The following SIN3A variants were observed in gnomAD, a reference collection of about 807,000 sequenced individuals.
SIN3A encodes the protein SIN3 transcription regulator family member A.
A neutral mutation model predicts 146.1 loss-of-function variants in SIN3A; 14 were observed. The observed-to-expected ratio is 0.10, with a 90% confidence interval of 0.06 to 0.15. The LOEUF (loss-of-function observed/expected upper bound fraction) is 0.15, where lower values mean the gene tolerates loss of function less well. SIN3A is among the 10% of genes least tolerant of loss of function. The pLI is 1.00. For synonymous variants in SIN3A, 572 were observed against 572.0 expected (o/e 1.00, Z 0.00); for missense variants, 1,028 against 1,576.0 (o/e 0.65, Z 5.89).
chr15:75,439,183 T>C (rs575923127), intron 1 of SIN3A, among the ~76,000 whole-genome samples: 2 of 152,202 alleles, frequency 1.3e-5, no homozygotes, highest in African/African-American at 2.4e-5. Flanking sequence ...CTCGGGAAGA[T>C]GGAATGCTAC....
intron 1 of SIN3A, among the ~76,000 whole-genome samples, chr15:75,438,301 G>C (rs1053015543): frequency 6.6e-6 from 1 of 152,056 alleles, no homozygotes. Flanking sequence ...GGGTGCGGAG[G>C]GTGCAGTGAG....
At chr15:75,432,061 C>T (rs2141577979) in intron 1 of SIN3A, among the ~76,000 whole-genome samples, 1 of 152,300 alleles carries the variant, frequency 6.6e-6, no homozygotes, top group East Asian at 1.9e-4. Flanking sequence ...CTGCTGAGGA[C>T]AAATAATTTA....
At chr15:75,455,652 G>A (rs1161089949), upstream of SIN3A, 1 of 152,188 alleles carries the variant, frequency 6.6e-6, no homozygotes, top group African/African-American at 2.4e-5. Context: ...GCGGAACTCC[G>A]AGCCTCCCCT....
At chr15:75,393,579 C>A (rs1325950443) in intron 14 of SIN3A, among the ~76,000 whole-genome samples, 1 of 151,998 alleles carries the variant, frequency 6.6e-6, no homozygotes, top group Non-Finnish European at 1.5e-5. Flanking sequence ...TTCACCATGT[C>A]GGCCAGGCTG....
intron 16 of SIN3A, among the ~76,000 whole-genome samples, chr15:75,385,905 C>G (rs1303524278): frequency 1.3e-5 from 2 of 152,082 alleles, no homozygotes; most frequent in Non-Finnish European, 2.9e-5. Flanking sequence ...TAAAATAATG[C>G]TTATGAGTAC....
In SIN3A at chr15:75,439,344, C is replaced by CT. The variant is rs919936063; in HGVS notation, c.-33-8937dup. Among the ~76,000 whole-genome samples, 546 of 144,314 alleles carry CT rather than the reference C, an allele frequency of 3.8e-3. 2 individuals carry two copies. Among genetic ancestry groups the CT allele is most frequent in the African/African-American group, 8.0e-3 (318 of 39,680 alleles). 94.7% of individuals were successfully genotyped at this position (144,314 alleles called of 152,430 possible). On this transcript the variant is annotated intron_variant, in intron 1 of 20. Coordinates refer to ENST00000394947, the MANE Select transcript of SIN3A (RefSeq NM_001145358.2). ...AATCATAACCCCAACTGTCACATATCTTTTTTTTTTTTTTGAGACAGAGTC... is the reference window on the plus strand; with the variant it reads ...AATCATAACCCCAACTGTCACATATCTTTTTTTTTTTTTTTGAGACAGAGTC...
intron 1 of SIN3A, among the ~76,000 whole-genome samples, chr15:75,450,703 C>T (rs989259113): frequency 9.9e-5 from 15 of 152,236 alleles, no homozygotes; most frequent in Non-Finnish European, 1.8e-4. Flanking sequence ...CATGACCCAG[C>T]CACAAGAGTA....
intron 1 of SIN3A, among the ~76,000 whole-genome samples, chr15:75,436,181 T>C (rs1267540375): frequency 1.3e-5 from 2 of 149,982 alleles, no homozygotes; most frequent in Non-Finnish European, 3.0e-5. Flanking sequence ...AGAAAAAACA[T>C]GCTAGCCACG....
At chr15:75,448,486 T>A (rs1273607066) in intron 1 of SIN3A, among the ~76,000 whole-genome samples, 1 of 142,568 alleles carries the variant, frequency 7.0e-6, no homozygotes, top group Admixed American at 6.9e-5. Flanking sequence ...AGAGCAGGAC[T>A]CCATCTCAAA....
intron 19 of SIN3A, among the ~76,000 whole-genome samples, chr15:75,378,678 T>G (rs1459827956): frequency 2.0e-5 from 3 of 152,272 alleles, no homozygotes; most frequent in East Asian, 3.9e-4. Flanking sequence ...CACATTTGCG[T>G]GAGGCCAGAT....
chr15:75,392,860 C>A (rs765047873), intron 14 of SIN3A, 45 bp from the exon 15 acceptor site: 1 of 1,358,532 alleles, frequency 7.4e-7, no homozygotes, highest in South Asian at 1.3e-5. Flanking sequence ...ATGTCTACAG[C>A]GACAACATGT....
chr15:75,448,486 T>C (rs1273607066), intron 1 of SIN3A, among the ~76,000 whole-genome samples: 2 of 142,570 alleles, frequency 1.4e-5, no homozygotes, highest in African/African-American at 2.6e-5. Flanking sequence ...AGAGCAGGAC[T>C]CCATCTCAAA....
chr15:75,373,960 ACTGT>A (rs1297375693), intron 20 of SIN3A, among the ~76,000 whole-genome samples: 2 of 152,286 alleles, frequency 1.3e-5, no homozygotes, highest in African/African-American at 2.4e-5. Context: ...TATACATTAA[ACTGT>A]CTGCTCAACA....
intron 1 of SIN3A, among the ~76,000 whole-genome samples, chr15:75,430,936 C>T (rs1242826645): frequency 3.9e-5 from 6 of 152,210 alleles, no homozygotes; most frequent in Admixed American, 1.3e-4. Context: ...CCACCACACC[C>T]GGCTACTTTT....
chr15:75,445,312 G>C (rs911183960), intron 1 of SIN3A, among the ~76,000 whole-genome samples: 3 of 149,638 alleles, frequency 2.0e-5, no homozygotes, highest in African/African-American at 7.4e-5. Context: ...ACCTGGGAAG[G>C]GGAGATTGCA....
chr15:75,388,934 A>G (rs1365202352), intron 16 of SIN3A: 2 of 152,244 alleles, frequency 1.3e-5, no homozygotes, highest in Admixed American at 1.3e-4. Flanking sequence ...CTCAAGTCCA[A>G]GAAGTAGAAA....
At chr15:75,442,918 G>A (rs2074241906) in intron 1 of SIN3A, among the ~76,000 whole-genome samples, 1 of 117,238 alleles carries the variant, frequency 8.5e-6, no homozygotes, top group Non-Finnish European at 1.7e-5. Context: ...GGCAATAAGA[G>A]CAAAACTCTG....
At chr15:75,394,906 G>A in intron 13 of SIN3A, 43 bp from the exon 14 acceptor site, 1 of 1,574,400 alleles carries the variant, frequency 6.4e-7, no homozygotes, top group South Asian at 1.2e-5. Flanking sequence ...TGGGAATTCA[G>A]AGGGTTTAGA....
intron 11 of SIN3A, among the ~76,000 whole-genome samples, chr15:75,400,427 T>C (rs976623318): frequency 1.3e-5 from 2 of 151,974 alleles, no homozygotes; most frequent in Non-Finnish European, 2.9e-5. Context: ...CTAAAAACTT[T>C]TATTTTTATA....
Sources: allele counts gnomAD v4.1 joint callset (sites outside exome capture counted in the v4.1 genomes callset), GRCh38; gene constraint gnomAD v4.1.1; transcripts MANE v1.5; gene names NCBI Gene and HGNC (gene_info 2026-07-23, HGNC 2026-07-21).